Variants in CA5B observed in about 807,000 individuals in gnomAD.
The protein encoded by CA5B is carbonic anhydrase 5B.
Under a neutral mutation model 23.1 loss-of-function variants are expected in CA5B, and 15 were observed. That is an observed-to-expected ratio of 0.65 (90% CI 0.43 to 1.00). The LOEUF (loss-of-function observed/expected upper bound fraction) is 1.00. Among genes scored for constraint, CA5B ranks in the 50% least tolerant of loss-of-function variants. CA5B has a pLI of 0.00. For synonymous variants in CA5B, 84 were observed against 98.5 expected (o/e 0.85, Z 0.87); for missense variants, 236 against 252.2 (o/e 0.94, Z 0.43).
chrX:15,745,654 C>A (rs1157710115), intron 1 of CA5B: 1 of 112,029 alleles, frequency 8.9e-6, no homozygotes, highest in Non-Finnish European at 1.9e-5. Context: ...ATGAGATAAT[C>A]ACTCACTGTT....
intron 2 of CA5B, among the ~76,000 whole-genome samples, chrX:15,755,242 T>A (rs1931464085): frequency 8.9e-6 from 1 of 111,819 alleles, no homozygotes; most frequent in Non-Finnish European, 1.9e-5. Flanking sequence ...GGCCTCAGGG[T>A]TATCTTCAGC....
At chrX:15,782,260 A>G (rs1302853035) in intron 7 of CA5B, among the ~76,000 whole-genome samples, 1 of 111,985 alleles carries the variant, frequency 8.9e-6, no homozygotes, top group Non-Finnish European at 1.9e-5. Context: ...TGGTTTCACC[A>G]CCTCTTGCTG....
chrX:15,761,198 T>C (rs1931597232), intron 2 of CA5B, among the ~76,000 whole-genome samples: 1 of 112,332 alleles, frequency 8.9e-6, no homozygotes, highest in Non-Finnish European at 1.9e-5. Context: ...AATTTCTATT[T>C]TTATTTTACA....
chrX:15,780,318 G>C lies in CA5B; in HGVS notation c.775-2167G>C, dbSNP rs752599484. ...AAGACGGTCTCTAGCTGTTGCCTGG[G>C]CTGGAGTGCAGTGGCACGATCTCGG... On this transcript the variant is annotated intron_variant, in intron 7 of 7. Transcript: ENST00000318636. Among the ~76,000 whole-genome samples, 436 of 108,862 alleles carry C rather than the reference G, an allele frequency of 4.0e-3. 4 individuals are homozygous for C. Among genetic ancestry groups the C allele is most frequent in the African/African-American group, 0.014 (423 of 29,878 alleles). 94.5% of individuals were successfully genotyped at this position (108,862 alleles called of 115,157 possible).
chrX:15,755,488 G>A (rs769471446), intron 2 of CA5B, among the ~76,000 whole-genome samples: 4 of 112,597 alleles, frequency 3.6e-5, no homozygotes, highest in African/African-American at 9.7e-5. Context: ...AGGCCTACAC[G>A]GATATCTTCA....
At chrX:15,747,520 G>A (rs957847866) in intron 1 of CA5B, among the ~76,000 whole-genome samples, 1 of 109,536 alleles carries the variant, frequency 9.1e-6, no homozygotes, top group African/African-American at 3.3e-5. Flanking sequence ...TGGCAGGAGG[G>A]GGGGTAGAAG....
chrX:15,775,853 C>T, intron 6 of CA5B: 1 of 749,376 alleles, frequency 1.3e-6, no homozygotes, highest in Non-Finnish European at 1.6e-6. Context: ...CTTTCCCTCT[C>T]CTTTCCTCTC....
At chrX:15,745,213 A>G (rs1601777132) in intron 1 of CA5B, among the ~76,000 whole-genome samples, 1 of 93,184 alleles carries the variant, frequency 1.1e-5, no homozygotes, top group Admixed American at 1.1e-4. Context: ...GAAAAGAAAA[A>G]TCTGTTTAAT....
At chrX:15,739,156 T>G (rs1406141662) in intron 1 of CA5B, among the ~76,000 whole-genome samples, 1 of 112,103 alleles carries the variant, frequency 8.9e-6, no homozygotes, top group Non-Finnish European at 1.9e-5. Context: ...GTTTGAGAGA[T>G]AAGGGGAGTT....
At chrX:15,748,996 C>T (rs927475492) in intron 1 of CA5B, among the ~76,000 whole-genome samples, 4 of 111,966 alleles carry the variant, frequency 3.6e-5, no homozygotes, top group Admixed American at 9.5e-5. Flanking sequence ...GATGTGAGGC[C>T]GAGATCTTAG....
chrX:15,773,639 G>C (rs749813049), intron 4 of CA5B, among the ~76,000 whole-genome samples: 1 of 110,171 alleles, frequency 9.1e-6, no homozygotes, highest in East Asian at 2.9e-4. Context: ...TCGATCTCCT[G>C]ACCTTGTGAT....
At chrX:15,779,304 C>G (rs138288602) in intron 7 of CA5B, among the ~76,000 whole-genome samples, 1 of 111,434 alleles carries the variant, frequency 9.0e-6, no homozygotes, top group African/African-American at 3.3e-5. Flanking sequence ...CTATTCAGAC[C>G]CTCAGTTTAT....
intron 1 of CA5B, among the ~76,000 whole-genome samples, chrX:15,743,467 C>G (rs906304405): frequency 1.3e-4 from 15 of 111,855 alleles, no homozygotes; most frequent in Admixed American, 1.2e-3. Context: ...TGTTCTGTTC[C>G]CCAATGAACC....
intron 3 of CA5B, among the ~76,000 whole-genome samples, chrX:15,772,056 A>G (rs1931830838): frequency 8.9e-6 from 1 of 112,077 alleles, no homozygotes; most frequent in African/African-American, 3.2e-5. Flanking sequence ...GTCCTATTCC[A>G]TTTCAATGAA....
chrX:15,753,360 T>G (rs1410393814), intron 2 of CA5B, among the ~76,000 whole-genome samples: 1 of 112,538 alleles, frequency 8.9e-6, no homozygotes, highest in Non-Finnish European at 1.9e-5. Flanking sequence ...AGAGTTGAAG[T>G]CAACTGAAAG....
chrX:15,745,184 A>G (rs1266809726), intron 1 of CA5B, among the ~76,000 whole-genome samples: 1 of 26,600 alleles, frequency 3.8e-5, no homozygotes, highest in Non-Finnish European at 1.3e-4. Flanking sequence ...AAAAAAAAAA[A>G]AAAGAAAAGA....
At chrX:15,775,184 G>T in intron 5 of CA5B, 62 bp from the exon 6 acceptor site, 1 of 871,742 alleles carries the variant, frequency 1.1e-6, no homozygotes, top group Non-Finnish European at 1.6e-6. Flanking sequence ...TTCACATTCT[G>T]TTACAGTTTC....
chrX:15,748,718 C>G (rs866112937), intron 1 of CA5B, among the ~76,000 whole-genome samples: 1 of 76,170 alleles, frequency 1.3e-5, no homozygotes, highest in Non-Finnish European at 2.7e-5. Flanking sequence ...ACCCCCCCCC[C>G]CGCCCCCGCC....
intron 2 of CA5B, among the ~76,000 whole-genome samples, chrX:15,752,588 G>A (rs1322406456): frequency 6.3e-5 from 7 of 111,126 alleles, no homozygotes; most frequent in South Asian, 3.8e-4. Context: ...AGCCAGGCGT[G>A]GTGGTGGGCG....
Sources: gnomAD v4.1 joint callset for allele counts (sites outside exome capture counted in the v4.1 genomes callset) on GRCh38, gnomAD v4.1.1 for gene constraint, MANE v1.5 for transcripts, NCBI Gene and HGNC (gene_info 2026-07-23, HGNC 2026-07-21) for gene names.